The following UNC80 variants were observed in gnomAD, a reference collection of about 807,000 sequenced individuals.
The protein encoded by UNC80 is protein unc-80 homolog.
Under a neutral mutation model 384.6 loss-of-function variants are expected in UNC80, and 164 were observed. The observed-to-expected ratio is 0.43, with a 90% CI of 0.38 to 0.49. The LOEUF (loss-of-function observed/expected upper bound fraction) is 0.49. UNC80 is among the 20% of genes least tolerant of loss of function. The pLI is 0.00. For synonymous variants in UNC80, 1,486 were observed against 1,527.8 expected (o/e 0.97, Z 0.64); for missense variants, 3,330 against 4,143.0 (o/e 0.80, Z 5.39).
At chr2:209,867,844 A>G (rs2083965886) in intron 22 of UNC80, among the ~76,000 whole-genome samples, 1 of 152,360 alleles carries the variant, frequency 6.6e-6, no homozygotes. Flanking sequence ...AAAGCAAAAT[A>G]AAAATAGACA....
At chr2:209,940,804 G>A (rs532647776) in intron 43 of UNC80, among the ~76,000 whole-genome samples, 154 of 152,214 alleles carry the variant, frequency 1.0e-3, no homozygotes, top group Non-Finnish European at 1.8e-3. Context: ...ACGACAGAGC[G>A]AGACTCCATC....
intron 22 of UNC80, among the ~76,000 whole-genome samples, chr2:209,855,269 CAG>C (rs1001418069): frequency 2.0e-5 from 3 of 151,922 alleles, no homozygotes; most frequent in South Asian, 2.1e-4. Context: ...CACATGGACA[CAG>C]GGGAACAACA....
In UNC80 at chr2:209,992,205, C is replaced by T; in HGVS notation, c.9354C>T (p.Leu3118=). The change falls in exon 62 of 65, where the codon CTC becomes CTT. Residue 3118 remains leucine (L), a synonymous_variant. Transcript: ENST00000673920. ...SIQSEPGQQN[L]LVQQPLGRKR... ...AGAGTGAACCTGGTCAACAGAACCT[C>T]CTTGTTCAGCAGCCGCTGGGGAGGA... 1 of 1,551,630 alleles carries T rather than the reference C, an allele frequency of 6.4e-7. No individual in the cohort carries two copies. The highest frequency in any genetic ancestry group is 8.7e-7 in the Non-Finnish European group (1 of 1,146,960).
chr2:209,994,008 T>C (rs886287439), intron 63 of UNC80, 57 bp from the exon 64 acceptor site: 18 of 1,464,804 alleles, frequency 1.2e-5, no homozygotes, highest in Middle Eastern at 3.7e-4. Flanking sequence ...CTATTAAGCA[T>C]TGACGGTCCG....
intron 24 of UNC80, among the ~76,000 whole-genome samples, chr2:209,879,940 A>G (rs1335948463): frequency 6.6e-6 from 1 of 152,240 alleles, no homozygotes; most frequent in East Asian, 1.9e-4. Context: ...ATCGTGAAGT[A>G]TGTATTCTAT....
At chr2:209,803,755 C>T (rs567488827) in intron 7 of UNC80, among the ~76,000 whole-genome samples, 178 of 151,992 alleles carry the variant, frequency 1.2e-3, no homozygotes, top group African/African-American at 4.2e-3. Flanking sequence ...TTTTTAGAGA[C>T]AGGGTCTCAC....
At chr2:209,870,721 AC>A (rs1406624090) in intron 22 of UNC80, among the ~76,000 whole-genome samples, 1 of 152,232 alleles carries the variant, frequency 6.6e-6, no homozygotes, top group East Asian at 1.9e-4. Context: ...TAAGACATAT[AC>A]AATGAAGAAA....
intron 33 of UNC80, 128 bp from the exon 34 acceptor site, chr2:209,921,372 G>T: frequency 1.1e-6 from 1 of 922,060 alleles, no homozygotes; most frequent in Non-Finnish European, 1.6e-6. Flanking sequence ...CATGAAACTG[G>T]ATCATGGGTA....
chr2:209,786,053 TC>T lies in UNC80; in HGVS notation c.601-11del. The T allele has an allele frequency of 1.2e-6, 2 of 1,612,438 alleles. No homozygotes were observed. Among genetic ancestry groups the T allele is most frequent in the South Asian group, 2.2e-5 (2 of 90,756 alleles). ...TGTCAGTTATTGGACATATATCTTC[TC>T]CTCCCCCCTAGGAATCTGACCTCAC... On this transcript the variant is annotated splice_polypyrimidine_tract_variant and intron_variant, in intron 4 of 64. Transcript: ENST00000673920.
chr2:209,833,901 C>T, intron 16 of UNC80, 101 bp from the exon 17 acceptor site: 1 of 1,155,368 alleles, frequency 8.7e-7, no homozygotes, highest in East Asian at 2.6e-5. Flanking sequence ...TTCCAATGCT[C>T]ATCTAAGCCT....
chr2:209,945,033 A>T lies in UNC80; in HGVS notation c.7051-18A>T, dbSNP rs1331403706. On this transcript the variant is annotated intron_variant, in intron 45 of 64. Transcript: ENST00000673920. ...CTGTGGTGGGAGTCAATAAACAAAA[A>T]TTGTTTTTCTTTATCAGGATGCTGC... 3.2e-6 allele frequency: 5 copies of T among 1,548,124 alleles called. No individual in the cohort carries two copies. In the South Asian group the frequency reaches 4.8e-5, roughly 15 times the overall value.
intron 36 of UNC80, among the ~76,000 whole-genome samples, chr2:209,928,586 A>C (rs1022795102): frequency 6.6e-6 from 1 of 152,230 alleles, no homozygotes; most frequent in Admixed American, 6.5e-5. Flanking sequence ...TATGGGGTAC[A>C]GTGATATTTC....
At chr2:209,939,705 GTTT>G (rs942429552) in intron 43 of UNC80, 53 bp downstream of exon 43, 1 of 1,407,770 alleles carries the variant, frequency 7.1e-7, no homozygotes, top group Non-Finnish European at 9.4e-7. Context: ...CACACTTGTT[GTTT>G]TTTTTTAAAA....
At chr2:209,937,031 A>G (rs1004227093) in intron 41 of UNC80, 98 bp downstream of exon 41, 1 of 803,798 alleles carries the variant, frequency 1.2e-6, no homozygotes, top group South Asian at 1.6e-5. Flanking sequence ...GCTGTTTAGA[A>G]GGTAATAGTA....
intron 24 of UNC80, among the ~76,000 whole-genome samples, chr2:209,880,402 A>G (rs772499228): frequency 6.6e-6 from 1 of 152,232 alleles, no homozygotes; most frequent in Non-Finnish European, 1.5e-5. Context: ...TCCAGTAAGT[A>G]TGTCTTGTCT....
chr2:209,993,412 A>G lies in UNC80; in HGVS notation c.9494A>G (p.Lys3165Arg). 2 of 1,551,556 alleles carry G rather than the reference A, an allele frequency of 1.3e-6. No homozygotes were observed. Among genetic ancestry groups the G allele is most frequent in the Non-Finnish European group, 1.7e-6 (2 of 1,146,882 alleles). ...ACCACTCGCAGGAGCATTCAACCTA[A>G]AACGAAGCCGTCTGGTGAGGCCTCC... Reference protein sequence around the residue: ...LSTTRRSIQPKTKPSADQKRS... With the variant: ...LSTTRRSIQPRTKPSADQKRS... The change falls in exon 63 of 65, where the codon AAA becomes AGA. Residue 3165 changes from lysine to arginine, a missense_variant. Transcript: ENST00000673920.
chr2:209,850,450 G>A (rs10194322), intron 22 of UNC80, among the ~76,000 whole-genome samples: 30,135 of 151,714 alleles, frequency 0.2, 3,902 homozygotes, highest in African/African-American at 0.36. Flanking sequence ...TCCTTTTTTC[G>A]GGTTTTATGA....
In UNC80 at chr2:209,941,530, G is replaced by A; in HGVS notation, c.6915+41G>A. The A allele has an allele frequency of 4.7e-6, 7 of 1,491,696 alleles. No individual in the cohort carries two copies. In the South Asian group the frequency reaches 7.8e-5, roughly 17 times the overall value. The allele number at this position is 1,491,696 out of a possible 1,614,324, so 92.4% of individuals were successfully genotyped here. Reference sequence around the variant, plus strand: ...TCTCCCAACCAGAAAATTAACATGAGTACTGCTCATATCTAGCCGTTCAAC... The same window carrying A: ...TCTCCCAACCAGAAAATTAACATGAATACTGCTCATATCTAGCCGTTCAAC... On this transcript the variant is annotated intron_variant, in intron 44 of 64. Coordinates refer to ENST00000673920, the MANE Select transcript of UNC80 (RefSeq NM_001371986.1).
At chr2:209,797,221 A>AC in intron 7 of UNC80, among the ~76,000 whole-genome samples, 1 of 152,296 alleles carries the variant, frequency 6.6e-6, no homozygotes, top group South Asian at 2.1e-4. Context: ...AAACAAACAA[A>AC]AAAAATGAGA....
Sources: allele counts gnomAD v4.1 joint callset (sites outside exome capture counted in the v4.1 genomes callset), GRCh38; gene constraint gnomAD v4.1.1; transcripts MANE v1.5; gene names NCBI Gene and HGNC (gene_info 2026-07-23, HGNC 2026-07-21).